Variants in DENND4A observed in about 807,000 individuals in gnomAD.
DENND4A encodes the protein DENN domain containing 4A.
A neutral mutation model predicts 199.3 loss-of-function variants in DENND4A; 70 were observed. That is an observed-to-expected ratio of 0.35 (90% CI 0.29 to 0.43). The LOEUF (loss-of-function observed/expected upper bound fraction) is 0.43, where lower values mean the gene tolerates loss of function less well. Ranked by LOEUF, DENND4A falls within the 20% of genes least tolerant of loss-of-function variation. The pLI is 1.00. For synonymous variants in DENND4A, 686 were observed against 766.9 expected (o/e 0.89, Z 1.74); for missense variants, 1,723 against 2,255.8 (o/e 0.76, Z 4.78).
At chr15:65,718,346 C>CAAAATTT (rs2075480427) in intron 12 of DENND4A, among the ~76,000 whole-genome samples, 1 of 152,056 alleles carries the variant, frequency 6.6e-6, no homozygotes, top group Non-Finnish European at 1.5e-5. Context: ...GAGATTCTGT[C>CAAAATTT]TTTACAAAAT....
At chr15:65,715,656 A>G (rs1053266691) in intron 13 of DENND4A, 33 bp from the exon 14 acceptor site, 15 of 1,507,308 alleles carry the variant, frequency 1.0e-5, no homozygotes, top group African/African-American at 2.8e-5. Flanking sequence ...GTCAGAATAC[A>G]TAATATCATT....
intron 12 of DENND4A, among the ~76,000 whole-genome samples, chr15:65,720,975 A>ATATATATATG: frequency 1.2e-5 from 1 of 84,520 alleles, no homozygotes; most frequent in African/African-American, 3.8e-5. Context: ...ATATATATAT[A>ATATATATATG]TATATATTTG....
chr15:65,724,059 T>TAA (rs963913897), intron 11 of DENND4A, among the ~76,000 whole-genome samples: 1 of 146,326 alleles, frequency 6.8e-6, no homozygotes. Flanking sequence ...GACTCCACTT[T>TAA]AAAAAAAAAA....
chr15:65,701,032 A>C lies in DENND4A; in HGVS notation c.2701+19T>G. The C allele has an allele frequency of 1.3e-6, 2 of 1,583,870 alleles. No homozygotes were observed. The highest frequency in any genetic ancestry group is 1.2e-5 in the South Asian group (1 of 83,524). On this transcript the variant is annotated intron_variant, in intron 19 of 32. Coordinates refer to ENST00000443035, the MANE Select transcript of DENND4A (RefSeq NM_001320835.1). Reference sequence around the variant, plus strand: ...ATCAATTAATTTTGAAGAACAAGTAAAACACATACATCCCTTACCTGAGAG... The same window carrying C: ...ATCAATTAATTTTGAAGAACAAGTACAACACATACATCCCTTACCTGAGAG...
At chr15:65,732,022 C>A (rs1305208488) in intron 8 of DENND4A, among the ~76,000 whole-genome samples, 1 of 152,034 alleles carries the variant, frequency 6.6e-6, no homozygotes, top group African/African-American at 2.4e-5. Context: ...CTATGGCCTA[C>A]ATGGCAAATC....
intron 29 of DENND4A, among the ~76,000 whole-genome samples, chr15:65,666,800 T>C (rs993103488): frequency 1.4e-5 from 2 of 142,674 alleles, no homozygotes; most frequent in African/African-American, 5.2e-5. Flanking sequence ...AAAAAAAAAA[T>C]TAGGCTTGTT....
At chr15:65,768,394 A>T (rs2077039177) in intron 1 of DENND4A, among the ~76,000 whole-genome samples, 1 of 152,188 alleles carries the variant, frequency 6.6e-6, no homozygotes, top group Non-Finnish European at 1.5e-5. Flanking sequence ...TCCAGGAATT[A>T]TCACAAAATA....
intron 14 of DENND4A, among the ~76,000 whole-genome samples, chr15:65,714,408 G>A (rs1358277255): frequency 1.2e-4 from 13 of 112,038 alleles, no homozygotes; most frequent in East Asian, 3.8e-4. Flanking sequence ...GCGAGACTCC[G>A]TCTCAAAAAA....
At chr15:65,667,005 C>A (rs1390828233) in intron 29 of DENND4A, among the ~76,000 whole-genome samples, 1 of 151,924 alleles carries the variant, frequency 6.6e-6, no homozygotes, top group African/African-American at 2.4e-5. Context: ...TAAAACAATT[C>A]TATTTATCTA....
intron 15 of DENND4A, among the ~76,000 whole-genome samples, chr15:65,703,461 T>A (rs1259528509): frequency 2.0e-5 from 3 of 152,208 alleles, no homozygotes; most frequent in Non-Finnish European, 2.9e-5. Context: ...AAGATGCAAA[T>A]AACAACCTTA....
At chr15:65,674,857 T>G in intron 24 of DENND4A, among the ~76,000 whole-genome samples, 1 of 152,158 alleles carries the variant, frequency 6.6e-6, no homozygotes, top group East Asian at 1.9e-4. Flanking sequence ...TTGTCTGAGA[T>G]TTGCTTGAAA....
intron 4 of DENND4A, among the ~76,000 whole-genome samples, chr15:65,742,902 TATAC>T (rs1292194497): frequency 1.3e-5 from 2 of 152,196 alleles, no homozygotes; most frequent in African/African-American, 4.8e-5. Flanking sequence ...TAAATAAATA[TATAC>T]ATAATTTATT....
At chr15:65,682,799 TA>T (rs1388296871) in intron 23 of DENND4A, among the ~76,000 whole-genome samples, 1 of 152,196 alleles carries the variant, frequency 6.6e-6, no homozygotes, top group East Asian at 1.9e-4. Context: ...GTAGGGTTAT[TA>T]ATTGGCCTAA....
chr15:65,681,379 AT>A (rs2076567352), intron 23 of DENND4A: 1 of 151,788 alleles, frequency 6.6e-6, no homozygotes, highest in Non-Finnish European at 1.5e-5. Flanking sequence ...TTTTCAATTT[AT>A]TTTGCCCAGA....
At position 65,694,693 on chromosome 15, in the gene DENND4A, T is replaced by C. The variant is rs12593205; in HGVS notation, c.3082+1673A>G. 3.9e-5 allele frequency among the ~76,000 whole-genome samples: 6 copies of C among 152,300 alleles called. No homozygotes were observed. In the East Asian group the frequency reaches 1.2e-3, roughly 29 times the overall value. The stretch of plus-strand genomic sequence containing the variant: ...AGTATATAATAAGTATTTCTATATA[T>C]CCCATGTATGGTCTTTGGCAGCAGT... On this transcript the variant is annotated intron_variant, in intron 22 of 32. Coordinates refer to ENST00000443035, the MANE Select transcript of DENND4A (RefSeq NM_001320835.1).
intron 9 of DENND4A, chr15:65,731,320 G>C (rs911999906): frequency 5.7e-6 from 2 of 351,828 alleles, no homozygotes; most frequent in Non-Finnish European, 1.1e-5. Context: ...AAAATTAATT[G>C]CATTTGAATG....
intron 1 of DENND4A, among the ~76,000 whole-genome samples, chr15:65,782,964 A>G (rs945559384): frequency 3.1e-4 from 46 of 150,566 alleles, no homozygotes; most frequent in African/African-American, 1.1e-3. Flanking sequence ...GATGGAAGGG[A>G]TCTTTTTTTT....
intron 5 of DENND4A, among the ~76,000 whole-genome samples, chr15:65,739,559 AG>A (rs2076199952): frequency 6.6e-6 from 1 of 152,206 alleles, no homozygotes; most frequent in Non-Finnish European, 1.5e-5. Context: ...AACAGAAAAT[AG>A]GTTCCCTGGC....
chr15:65,716,751 G>T (rs1307381035), intron 13 of DENND4A, among the ~76,000 whole-genome samples: 2 of 151,626 alleles, frequency 1.3e-5, no homozygotes, highest in African/African-American at 4.9e-5. Flanking sequence ...AGTCCTTTGG[G>T]TATATACCCA....
Sources: allele counts gnomAD v4.1 joint callset (sites outside exome capture counted in the v4.1 genomes callset), GRCh38; gene constraint gnomAD v4.1.1; transcripts MANE v1.5; gene names NCBI Gene and HGNC (gene_info 2026-07-23, HGNC 2026-07-21).